The following DIXDC1 variants were observed in gnomAD, a reference collection of about 807,000 sequenced individuals.
DIXDC1 encodes the protein DIX domain containing 1.
A neutral mutation model predicts 103.1 loss-of-function variants in DIXDC1; 64 were observed. The observed-to-expected ratio is 0.62, with a 90% CI of 0.51 to 0.76. The LOEUF (loss-of-function observed/expected upper bound fraction) is 0.76. Ranked by LOEUF, DIXDC1 falls within the 30% of genes least tolerant of loss-of-function variation. The pLI is 0.00. For missense variants in DIXDC1, 759 were observed against 834.2 expected (o/e 0.91, Z 1.11); for synonymous variants, 266 against 298.5 (o/e 0.89, Z 1.12).
chr11:111,994,200 A>C (rs1860802004), intron 14 of DIXDC1, among the ~76,000 whole-genome samples: 1 of 152,102 alleles, frequency 6.6e-6, no homozygotes, highest in African/African-American at 2.4e-5. Flanking sequence ...CAGCCTGGCC[A>C]ATGTGGTGAA....
intron 7 of DIXDC1, among the ~76,000 whole-genome samples, chr11:111,982,819 C>T (rs1415756210): frequency 6.6e-6 from 1 of 152,152 alleles, no homozygotes; most frequent in Non-Finnish European, 1.5e-5. Flanking sequence ...CAGCTTTCAC[C>T]AAAGAATGGC....
chr11:111,937,229 A>C, upstream of DIXDC1: 1 of 1,139,156 alleles, frequency 8.8e-7, no homozygotes, highest in Non-Finnish European at 1.1e-6. Flanking sequence ...GGCTGGGGGC[A>C]GCCCGGCAGC....
intron 1 of DIXDC1, among the ~76,000 whole-genome samples, chr11:111,951,088 A>C (rs1966789109): frequency 6.6e-6 from 1 of 152,256 alleles, no homozygotes; most frequent in Admixed American, 6.5e-5. Context: ...TGACAATAGA[A>C]AAATAGCCAC....
intron 1 of DIXDC1, among the ~76,000 whole-genome samples, chr11:111,939,614 A>G (rs1966351082): frequency 6.6e-6 from 1 of 152,214 alleles, no homozygotes; most frequent in Non-Finnish European, 1.5e-5. Context: ...AATTGACATC[A>G]TCTAAATAAC....
chr11:111,941,837 TACACACACACACACACACACACACAC>T (rs10635444), intron 1 of DIXDC1, among the ~76,000 whole-genome samples: 1 of 139,188 alleles, frequency 7.2e-6, no homozygotes, highest in Non-Finnish European at 1.6e-5. Flanking sequence ...CGAAACAAAA[TACACACACACACACACACACACACAC>T]ACACACACAC....
intron 17 of DIXDC1, among the ~76,000 whole-genome samples, chr11:112,014,162 C>A (rs1181003109): frequency 6.6e-6 from 1 of 152,178 alleles, no homozygotes; most frequent in Non-Finnish European, 1.5e-5. Flanking sequence ...GGGACAAACA[C>A]CCAAACTACT....
At chr11:111,963,446 G>A (rs868970032) in intron 1 of DIXDC1, among the ~76,000 whole-genome samples, 2 of 152,162 alleles carry the variant, frequency 1.3e-5, no homozygotes, top group South Asian at 2.1e-4. Flanking sequence ...AAATAATGAC[G>A]ATTTAATTTA....
intron 17 of DIXDC1, among the ~76,000 whole-genome samples, chr11:112,002,075 G>T (rs1254917659): frequency 7.9e-5 from 12 of 151,802 alleles, no homozygotes; most frequent in Non-Finnish European, 2.9e-5. Context: ...TTAATTATTT[G>T]CTAAAGGCTG....
intron 1 of DIXDC1, among the ~76,000 whole-genome samples, chr11:111,943,472 G>A (rs773886505): frequency 4.8e-4 from 71 of 146,564 alleles, no homozygotes; most frequent in Non-Finnish European, 7.9e-4. Flanking sequence ...ATTATTTTTG[G>A]AATTTTCTTT....
chr11:111,964,661 A>G lies in DIXDC1; in HGVS notation c.173A>G (p.Tyr58Cys). ...CTCCGGGATGGGGTGATCCTGGCAT[A>G]TCTCATCGAGATTGTTGGTCAGTTG... is the stretch of plus-strand genomic sequence containing the variant. ...QDLRDGVILA[Y>C]LIEIVAGEKL... Residue 58 changes from tyrosine (Y) to cysteine (C), a missense_variant, in exon 2 of 20, where the codon TAT becomes TGT. Physicochemically the swap from Tyr to Cys is radical, Grantham distance 194 (BLOSUM62 -2). Around this residue, in one of 3 missense-constraint regions of DIXDC1, gnomAD observed 97 missense variants for 85.4 expected, o/e 1.14. Transcript: ENST00000440460. The G allele has an allele frequency of 6.2e-7, 1 of 1,609,242 alleles. No individual in the cohort carries two copies. Among genetic ancestry groups the G allele is most frequent in the Non-Finnish European group, 8.5e-7 (1 of 1,178,030 alleles).
At chr11:111,986,748 C>T in intron 8 of DIXDC1, 123 bp from the exon 9 acceptor site, 1 of 706,184 alleles carries the variant, frequency 1.4e-6, no homozygotes, top group Non-Finnish European at 2.3e-6. Flanking sequence ...GGAACTGTTT[C>T]CTGTTCTTTG....
At chr11:111,966,832 A>C (rs1859757021) in intron 2 of DIXDC1, among the ~76,000 whole-genome samples, 1 of 152,184 alleles carries the variant, frequency 6.6e-6, no homozygotes, top group African/African-American at 2.4e-5. Context: ...TGCCCTTATC[A>C]GGCTTCTGAT....
Position 111,977,913 on chromosome 11 carries a change from C to T in DIXDC1, c.657-2824C>T. 7.4e-7 allele frequency: 1 copy of T among 1,354,130 alleles called. No homozygotes were observed. Among genetic ancestry groups the T allele is most frequent in the Non-Finnish European group, 9.8e-7 (1 of 1,019,948 alleles). The allele number at this position is 1,354,130 out of a possible 1,614,324, so 83.9% of individuals were successfully genotyped here. A position where few individuals can be genotyped will look rare whatever the true frequency, so the allele number is the denominator to read the frequency against. On this transcript the variant is annotated intron_variant, in intron 5 of 19. Coordinates refer to ENST00000440460, the MANE Select transcript of DIXDC1 (RefSeq NM_001037954.4). The surrounding 1 kb of genome is among the most constrained non-coding windows in gnomAD (Gnocchi z 6.1). ...GGTGGGAGCATTATGTTGGGAGGAC[C>T]GGCTGCTGACCAGGGGTTATCACTA...
At chr11:111,975,564 C>T (rs1417633770) in intron 5 of DIXDC1, 2 of 985,652 alleles carry the variant, frequency 2.0e-6, no homozygotes, top group African/African-American at 1.7e-5. Flanking sequence ...GATACAGTGC[C>T]CTAATAAAAA....
At chr11:111,975,128 C>T in intron 5 of DIXDC1, 145 bp downstream of exon 5, 1 of 1,455,598 alleles carries the variant, frequency 6.9e-7, no homozygotes, top group South Asian at 1.4e-5. Flanking sequence ...CTTAGCAGTG[C>T]TTTGTGGGTT....
At chr11:111,937,162 T>C, upstream of DIXDC1, 1 of 879,616 alleles carries the variant, frequency 1.1e-6, no homozygotes, top group Non-Finnish European at 1.3e-6. Context: ...CGTGCGGGCG[T>C]GCAGCGCGCG....
chr11:112,021,439 T>C lies in DIXDC1; in HGVS notation c.*2403T>C, dbSNP rs1306778682. On this transcript the variant is annotated 3_prime_UTR_variant, in exon 20 of 20. Coordinates refer to ENST00000440460, the MANE Select transcript of DIXDC1 (RefSeq NM_001037954.4). The stretch of plus-strand genomic sequence containing the variant: ...GCAGAAGTATGCAAGACTGATTCTG[T>C]TTGGAACAGTTTCCTATTTGGCTGC... The C allele has an allele frequency of 2.6e-5, 4 of 152,178 alleles. No individual in the cohort carries two copies. The highest frequency in any genetic ancestry group is 9.7e-5 in the African/African-American group (4 of 41,448). The allele number at this position is 152,178 out of a possible 1,614,324, so 9.4% of individuals were successfully genotyped here. A position where few individuals can be genotyped will look rare whatever the true frequency, so the allele number is the denominator to read the frequency against.
At chr11:111,948,824 C>G (rs1966684158) in intron 1 of DIXDC1, among the ~76,000 whole-genome samples, 1 of 152,168 alleles carries the variant, frequency 6.6e-6, no homozygotes, top group Non-Finnish European at 1.5e-5. Flanking sequence ...TCCGCACTTC[C>G]CCACACTCCT....
chr11:111,948,151 G>A (rs1187323380), intron 1 of DIXDC1, among the ~76,000 whole-genome samples: 1 of 152,026 alleles, frequency 6.6e-6, no homozygotes, highest in Non-Finnish European at 1.5e-5. Context: ...TGTAATGATT[G>A]TCCCCCTCCA....
Sources: gnomAD v4.1 joint callset for allele counts (sites outside exome capture counted in the v4.1 genomes callset) on GRCh38, gnomAD v4.1.1 for gene constraint, gnomAD v4.1.1 regional missense constraint, Gnocchi (gnomAD v3.1) non-coding constraint, MANE v1.5 for transcripts, NCBI Gene and HGNC (gene_info 2026-07-23, HGNC 2026-07-21) for gene names.